FCGRT: variants seen among roughly 807,000 people sequenced by gnomAD.
FCGRT encodes the protein IgG receptor FcRn large subunit p51.
FCGRT carries 13 observed loss-of-function variants against 35.7 expected under a neutral mutation model. The observed-to-expected ratio is 0.36, with a 90% CI of 0.24 to 0.58. FCGRT has a LOEUF of 0.58. Ranked by LOEUF, FCGRT falls within the 20% of genes least tolerant of loss-of-function variation. The pLI is 0.77. For missense variants in FCGRT, 455 were observed against 474.9 expected (o/e 0.96, Z 0.39); for synonymous variants, 233 against 216.5 (o/e 1.08, Z -0.67).
intron 6 of FCGRT, 74 bp from the exon 7 acceptor site, chr19:49,525,936 C>A: frequency 2.2e-6 from 2 of 902,560 alleles, no homozygotes; most frequent in South Asian, 2.6e-5. Context: ...GACACACACA[C>A]AAATGGGGGA....
chr19:49,524,850 G>T (rs1212641441), intron 5 of FCGRT, 74 bp downstream of exon 5: 23 of 1,407,770 alleles, frequency 1.6e-5, no homozygotes, highest in Non-Finnish European at 2.2e-5. Flanking sequence ...TCCTTCCTGA[G>T]TCTGACCTTC....
At chr19:49,522,109 C>T (rs1186651754) in intron 4 of FCGRT, among the ~76,000 whole-genome samples, 16 of 147,992 alleles carry the variant, frequency 1.1e-4, no homozygotes, top group African/African-American at 2.0e-4. Context: ...CTTGCTCTGT[C>T]GCCCAGGCTG....
chr19:49,519,381 T>C (rs1022744186), intron 4 of FCGRT, among the ~76,000 whole-genome samples: 1 of 152,184 alleles, frequency 6.6e-6, no homozygotes, highest in Non-Finnish European at 1.5e-5. Flanking sequence ...TTTTAAAGTT[T>C]TGCATTTTAC....
intron 1 of FCGRT, chr19:49,513,007 AG>A (rs2079981890): frequency 1.2e-5 from 1 of 84,950 alleles, no homozygotes; most frequent in Non-Finnish European, 2.3e-5. Flanking sequence ...GTCCGAGGGT[AG>A]AGCGGTTGGG....
chr19:49,513,735 T>TGGGGGGGGGGGGGGGGGGGG, intron 2 of FCGRT, 147 bp from the exon 3 acceptor site: 1 of 497,278 alleles, frequency 2.0e-6, no homozygotes, highest in Non-Finnish European at 3.4e-6. Flanking sequence ...TCTGGGTCTC[T>TGGGGGGGGGGGGGGGGGGGG]GTCCCCCCCC....
intron 4 of FCGRT, among the ~76,000 whole-genome samples, chr19:49,515,903 C>A (rs537880128): frequency 3.3e-5 from 5 of 152,326 alleles, no homozygotes; most frequent in Admixed American, 6.5e-5. Flanking sequence ...TATACTCCAG[C>A]CCTCCTTATT....
At chr19:49,520,193 G>A (rs538357230) in intron 4 of FCGRT, among the ~76,000 whole-genome samples, 5 of 143,188 alleles carry the variant, frequency 3.5e-5, no homozygotes, top group African/African-American at 5.2e-5. Flanking sequence ...GCAGTAGCAC[G>A]ATCTCGGCTC....
At chr19:49,517,016 C>T (rs1440636691) in intron 4 of FCGRT, among the ~76,000 whole-genome samples, 1 of 151,394 alleles carries the variant, frequency 6.6e-6, no homozygotes. Context: ...ATAGTAAGAC[C>T]GCATCTCTAC....
At chr19:49,525,706 G>C (rs1400940444) in intron 6 of FCGRT, 133 bp downstream of exon 6, 1 of 693,496 alleles carries the variant, frequency 1.4e-6, no homozygotes, top group Non-Finnish European at 2.5e-6. Flanking sequence ...GAAACCCAGA[G>C]ATGGGAGAAC....
Position 49,514,997 on chromosome 19 carries a change from C to CCT in FCGRT, c.601+511_601+512insCT, listed in dbSNP as rs1555809303. Among the ~76,000 whole-genome samples the CCT allele has an allele frequency of 9.3e-3, 1,310 of 141,470 alleles. 20 individuals are homozygous for CCT. Among genetic ancestry groups the CCT allele is most frequent in the African/African-American group, 0.032 (1,239 of 38,674 alleles). 92.8% of individuals were successfully genotyped at this position (141,470 alleles called of 152,430 possible). A position where few individuals can be genotyped will look rare whatever the true frequency, so the allele number is the denominator to read the frequency against. On this transcript the variant is annotated intron_variant, in intron 4 of 6. Transcript: ENST00000221466. ...ATGAGCTACTGCTCCTGGCTCCCCC[C>CCT]TTTTTTTTTTTTTTGAGACAGATTC...
chr19:49,516,180 A>G (rs1422629374), intron 4 of FCGRT: 1 of 453,812 alleles, frequency 2.2e-6, no homozygotes, highest in African/African-American at 2.0e-5. Flanking sequence ...GCCACAAAGG[A>G]GAAGTTGAGA....
At chr19:49,524,105 G>A (rs1383522738) in intron 4 of FCGRT, among the ~76,000 whole-genome samples, 4 of 150,352 alleles carry the variant, frequency 2.7e-5, no homozygotes, top group Non-Finnish European at 5.9e-5. Flanking sequence ...TGCAACATCT[G>A]CCTCCCAGGT....
Position 49,520,346 on chromosome 19 carries a change from A to ATTTT in FCGRT, c.602-4148_602-4145dup, listed in dbSNP as rs77327285. On this transcript the variant is annotated intron_variant, in intron 4 of 6. Transcript: ENST00000221466. ...GGTTTCACCATGTTGGCCAGGATGG[A>ATTTT]TTTTTTTTTTTTTTTTGAGATGGAG... 8.7e-3 allele frequency among the ~76,000 whole-genome samples: 1,057 copies of ATTTT among 121,420 alleles called. 24 individuals carry two copies. Among genetic ancestry groups the ATTTT allele is most frequent in the East Asian group, 0.058 (238 of 4,126 alleles). The allele number at this position is 121,420 out of a possible 152,430, so 79.7% of individuals were successfully genotyped here. A position where few individuals can be genotyped will look rare whatever the true frequency, so the allele number is the denominator to read the frequency against.
rs765121002 is a variant in FCGRT at position 49,513,993 on chromosome 19, A to G, written c.185A>G (p.Asn62Ser). 9.9e-6 allele frequency: 16 copies of G among 1,613,664 alleles called. No individual in the cohort carries two copies. The highest frequency in any genetic ancestry group is 1.6e-4 in the Middle Eastern group (1 of 6,084). ...WLGPQQYLSY[N>S]SLRGEAEPCG... ...GGCCCGCAGCAGTACCTGAGCTACA[A>G]TAGCCTGCGGGGCGAGGCGGAGCCC... is the stretch of plus-strand genomic sequence containing the variant. The change falls in exon 3 of 7, where the codon AAT becomes AGT. Residue 62 changes from asparagine (N) to serine (S), a missense_variant. Physicochemically the swap from Asn to Ser is conservative, Grantham distance 46 (BLOSUM62 1). This residue lies in a region of FCGRT where 136 missense variants were observed against 158.9 expected (regional missense o/e 0.86). Coordinates refer to ENST00000221466, the MANE Select transcript of FCGRT (RefSeq NM_001136019.3).
intron 6 of FCGRT, 34 bp downstream of exon 6, chr19:49,525,607 A>G (rs1484503707): frequency 8.3e-6 from 12 of 1,450,722 alleles, no homozygotes; most frequent in Non-Finnish European, 1.2e-5. Context: ...CCTCTGAGAG[A>G]GGGACAGAGA....
Position 49,514,257 on chromosome 19 carries a change from C to T in FCGRT, c.372C>T (p.Asp124=), listed in dbSNP as rs1456240025. The T allele has an allele frequency of 4.3e-6, 7 of 1,610,692 alleles. No homozygotes were observed. The highest frequency in any genetic ancestry group is 1.1e-5 in the South Asian group (1 of 90,554). ...TGCTGGGCTGTGAACTGGGCCCTGA[C>T]AACACCTCGGTGCCCACCGCCAAGT... ...QGLLGCELGP[D]NTSVPTAKFA... The change falls in exon 4 of 7, where the codon GAC becomes GAT. Residue 124 remains aspartate (D), a synonymous_variant. Coordinates refer to ENST00000221466, the MANE Select transcript of FCGRT (RefSeq NM_001136019.3).
chr19:49,513,338 AG>A, intron 1 of FCGRT, 48 bp from the exon 2 acceptor site: 1 of 945,572 alleles, frequency 1.1e-6, no homozygotes, highest in Non-Finnish European at 1.4e-6. Context: ...CCCGGGAGGA[AG>A]GGGCGGGCCG....
intron 4 of FCGRT, 43 bp from the exon 5 acceptor site, chr19:49,524,464 T>C (rs1200186893): frequency 6.3e-7 from 1 of 1,579,642 alleles, no homozygotes; most frequent in Middle Eastern, 1.8e-4. Flanking sequence ...GCTCTGGGAG[T>C]GGTGGGCTCG....
rs750871998 is a variant in FCGRT at position 49,514,243 on chromosome 19, G to C, written c.358G>C (p.Glu120Gln). The change falls in exon 4 of 7, where the codon GAA (glutamate) becomes CAA (glutamine). Residue 120 changes from glutamate (E) to glutamine (Q), a missense_variant. Physicochemically the swap from Glu to Gln is conservative, Grantham distance 29 (BLOSUM62 2). Around this residue, in one of 3 missense-constraint regions of FCGRT, gnomAD observed 136 missense variants for 158.9 expected, o/e 0.86. Transcript: ENST00000221466. Reference protein sequence around the residue: ...PYTLQGLLGCELGPDNTSVPT... With the variant: ...PYTLQGLLGCQLGPDNTSVPT... ...CACTCTGCAGGGCCTGCTGGGCTGTGAACTGGGCCCTGACAACACCTCGGT... is the reference window on the plus strand; with the variant it reads ...CACTCTGCAGGGCCTGCTGGGCTGTCAACTGGGCCCTGACAACACCTCGGT... 1 of 1,610,810 alleles carries C rather than the reference G, an allele frequency of 6.2e-7. No individual in the cohort carries two copies.
Sources: gnomAD v4.1 joint callset for allele counts (sites outside exome capture counted in the v4.1 genomes callset) on GRCh38, gnomAD v4.1.1 for gene constraint, gnomAD v4.1.1 regional missense constraint, MANE v1.5 for transcripts, NCBI Gene and HGNC (gene_info 2026-07-23, HGNC 2026-07-21) for gene names.